Variants in STAU1 observed in about 807,000 individuals in gnomAD.
The protein encoded by STAU1 is staufen double-stranded RNA binding protein 1.
In STAU1, 13 loss-of-function variants were observed where a neutral mutation model predicts 62.9. The observed-to-expected ratio is 0.21, with a 90% confidence interval of 0.13 to 0.33. The LOEUF is 0.33. Ranked by LOEUF, STAU1 falls within the 10% of genes least tolerant of loss-of-function variation. The pLI, the probability that STAU1 is intolerant of heterozygous loss-of-function variation, is 1.00. For synonymous variants in STAU1, 269 were observed against 265.1 expected, an observed-to-expected ratio of 1.01 and a Z score of -0.14; for missense variants, 571 against 712.1, an observed-to-expected ratio of 0.80 and a Z score of 2.25.
At chr20:49,184,809 G>A (rs1254838989) in intron 1 of STAU1, among the ~76,000 whole-genome samples, 1 of 152,068 alleles carries the variant, frequency 6.6e-6, no homozygotes, top group East Asian at 1.9e-4. Context: ...CCATCTTCCA[G>A]GTAGTCATAA....
At chr20:49,115,696 G>T in intron 13 of STAU1, 86 bp downstream of exon 13, 1 of 1,168,722 alleles carries the variant, frequency 8.6e-7, no homozygotes, top group Non-Finnish European at 1.3e-6. Context: ...ATATTTCCCC[G>T]CTGAGTCAGC....
intron 3 of STAU1, among the ~76,000 whole-genome samples, chr20:49,155,091 A>G (rs1415197478): frequency 6.6e-6 from 1 of 152,152 alleles, no homozygotes; most frequent in Non-Finnish European, 1.5e-5. Context: ...TGTCTTAAAA[A>G]AAAAAAAGAA....
At chr20:49,151,528 C>T in intron 5 of STAU1, 54 bp downstream of exon 5, 1 of 1,487,862 alleles carries the variant, frequency 6.7e-7, no homozygotes. Context: ...TGACATCTCC[C>T]CACTACCCTC....
upstream of STAU1, among the ~76,000 whole-genome samples, chr20:49,189,637 A>AAT (rs2093826786): frequency 6.6e-6 from 1 of 151,272 alleles, no homozygotes; most frequent in Non-Finnish European, 1.5e-5. Flanking sequence ...AAAAAAAAAA[A>AAT]AAAAAGAATC....
intron 8 of STAU1, 66 bp from the exon 9 acceptor site, chr20:49,120,194 G>T: frequency 2.0e-6 from 3 of 1,535,034 alleles, no homozygotes; most frequent in Non-Finnish European, 2.6e-6. Context: ...GGCAGGAATT[G>T]GTGTGTCAGC....
intron 3 of STAU1, among the ~76,000 whole-genome samples, chr20:49,157,773 C>T (rs2093384742): frequency 6.6e-6 from 1 of 151,950 alleles, no homozygotes; most frequent in Non-Finnish European, 1.5e-5. Context: ...CCACCATGCC[C>T]GGCCCATACC....
chr20:49,160,789 A>G (rs1006903775), intron 3 of STAU1, among the ~76,000 whole-genome samples: 1 of 152,180 alleles, frequency 6.6e-6, no homozygotes, highest in African/African-American at 2.4e-5. Flanking sequence ...AAAATTAGCC[A>G]GGCAATTGCA....
chr20:49,135,965 T>C, intron 5 of STAU1, 34 bp from the exon 6 acceptor site: 1 of 1,550,838 alleles, frequency 6.4e-7, no homozygotes, highest in Non-Finnish European at 8.9e-7. Flanking sequence ...TTAGCTCTTA[T>C]TAAAATAGTC....
At chr20:49,214,070 G>T in the STAU1 span, among the ~76,000 whole-genome samples, 6 of 151,844 alleles carry the variant, frequency 4.0e-5, no homozygotes, top group African/African-American at 1.2e-4. Flanking sequence ...AAATTAGCTA[G>T]GCATGGTGAT....
intron 6 of STAU1, among the ~76,000 whole-genome samples, chr20:49,129,279 A>ATTTTTTTT (rs1337866356): frequency 7.8e-5 from 8 of 101,958 alleles, no homozygotes; most frequent in African/African-American, 1.3e-4. Context: ...TTTAAAAAAA[A>ATTTTTTTT]ATTTTTTTTT....
the STAU1 span, among the ~76,000 whole-genome samples, chr20:49,198,171 T>C: frequency 6.0e-4 from 91 of 152,276 alleles, no homozygotes; most frequent in Non-Finnish European, 1.1e-3. Flanking sequence ...AACACACATA[T>C]ACATACACAT....
At chr20:49,192,370 A>G (rs1319755757), upstream of STAU1, among the ~76,000 whole-genome samples, 4 of 151,286 alleles carry the variant, frequency 2.6e-5, no homozygotes, top group Admixed American at 1.3e-4. Flanking sequence ...AAGAAAAAAC[A>G]AGAGAAAAAA....
chr20:49,144,286 T>C (rs956187785), intron 5 of STAU1, among the ~76,000 whole-genome samples: 1 of 44,612 alleles, frequency 2.2e-5, no homozygotes, highest in Non-Finnish European at 4.8e-5. Context: ...TTGTCACACG[T>C]ACTTTTTTTT....
upstream of STAU1, among the ~76,000 whole-genome samples, chr20:49,189,060 GC>G (rs2093823441): frequency 6.6e-6 from 1 of 151,740 alleles, no homozygotes; most frequent in African/African-American, 2.4e-5. Flanking sequence ...AATTAGCCGG[GC>G]GTGGTGGCGG....
the STAU1 span, among the ~76,000 whole-genome samples, chr20:49,194,322 A>C: frequency 6.6e-6 from 1 of 151,228 alleles, no homozygotes; most frequent in African/African-American, 2.4e-5. Flanking sequence ...CCAGCTACTC[A>C]GGAGGCTGAG....
intron 1 of STAU1, among the ~76,000 whole-genome samples, chr20:49,187,787 C>CA (rs1481092817): frequency 6.6e-6 from 1 of 150,854 alleles, no homozygotes; most frequent in East Asian, 2.0e-4. Context: ...CCCCCCCCCC[C>CA]CGCCTGCGCC....
intron 6 of STAU1, among the ~76,000 whole-genome samples, chr20:49,128,838 G>A (rs948468210): frequency 2.7e-5 from 4 of 145,952 alleles, no homozygotes; most frequent in African/African-American, 5.0e-5. Context: ...AAACTAACTC[G>A]AAATGAATTA....
At chr20:49,145,661 C>T (rs1285182053) in intron 5 of STAU1, among the ~76,000 whole-genome samples, 1 of 151,124 alleles carries the variant, frequency 6.6e-6, no homozygotes, top group Non-Finnish European at 1.5e-5. Context: ...ATCAGGGAGT[C>T]GGAGGTTGCA....
chr20:49,209,341 A>C, the STAU1 span, among the ~76,000 whole-genome samples: 1 of 151,946 alleles, frequency 6.6e-6, no homozygotes, highest in Non-Finnish European at 1.5e-5. Context: ...CTGAACATGC[A>C]AAGAATAAAG....
Sources: allele counts gnomAD v4.1 joint callset (sites outside exome capture counted in the v4.1 genomes callset), GRCh38; gene constraint gnomAD v4.1.1; transcripts MANE v1.5; gene names NCBI Gene and HGNC (gene_info 2026-07-23, HGNC 2026-07-21).